ERO1B: variants seen among roughly 807,000 people sequenced by gnomAD.
ERO1B encodes ERO1-like protein beta.
In ERO1B, 49 loss-of-function variants were observed where a neutral mutation model predicts 75.3. That is an observed-to-expected ratio of 0.65 (90% CI 0.52 to 0.83). The LOEUF is 0.83. ERO1B is among the 40% of genes least tolerant of loss of function. ERO1B has a pLI of 0.00. For missense variants in ERO1B, 512 were observed against 560.1 expected (o/e 0.91, Z 0.87); for synonymous variants, 191 against 192.9 (o/e 0.99, Z 0.08).
intron 1 of ERO1B, among the ~76,000 whole-genome samples, chr1:236,278,217 A>G (rs1665751141): frequency 6.6e-6 from 1 of 152,152 alleles, no homozygotes; most frequent in South Asian, 2.1e-4. Flanking sequence ...CCCAGAATAA[A>G]TATTTGGCTT....
intron 2 of ERO1B, among the ~76,000 whole-genome samples, chr1:236,268,402 T>A (rs549406750): frequency 6.6e-6 from 1 of 151,590 alleles, no homozygotes; most frequent in East Asian, 2.0e-4. Context: ...ATGGAGCCAC[T>A]GCACTCCAGT....
chr1:236,253,357 G>C (rs2102957381), intron 3 of ERO1B, 65 bp downstream of exon 3: 2 of 914,450 alleles, frequency 2.2e-6, no homozygotes, highest in Non-Finnish European at 3.5e-6. Context: ...AAATAAAATA[G>C]AGGTTATGCT....
In ERO1B at chr1:236,220,908, G is replaced by A; in HGVS notation, c.1267C>T (p.Leu423Phe). Residue 423 changes from leucine to phenylalanine, a missense_variant, in exon 15 of 16, where the codon CTT becomes TTT. Transcript: ENST00000354619. Reference sequence around the variant, plus strand: ...CCTTTAGATGGACTATTCTCTGGAAGCTTTTGGATTTCTTTTTCAGAGAAT... The same window carrying A: ...CCTTTAGATGGACTATTCTCTGGAAACTTTTGGATTTCTTTTTCAGAGAAT... ...ILFSEKEIQK[L>F]PENSPSKGFQ... 1 of 1,604,152 alleles carries A rather than the reference G, an allele frequency of 6.2e-7. No individual in the cohort carries two copies. Among genetic ancestry groups the A allele is most frequent in the Non-Finnish European group, 8.5e-7 (1 of 1,175,560 alleles).
intron 2 of ERO1B, among the ~76,000 whole-genome samples, chr1:236,266,765 AAG>A (rs1665452115): frequency 6.6e-6 from 1 of 152,194 alleles, no homozygotes; most frequent in Non-Finnish European, 1.5e-5. Flanking sequence ...ACAGAACAAA[AAG>A]AGGCATAGAT....
chr1:236,247,929 TTC>T (rs1664924358), intron 5 of ERO1B, among the ~76,000 whole-genome samples: 1 of 117,770 alleles, frequency 8.5e-6, no homozygotes, highest in Admixed American at 9.0e-5. Flanking sequence ...TTGTATTATC[TTC>T]TCTGACCACC....
At chr1:236,225,481 T>G (rs1664256525) in intron 12 of ERO1B, among the ~76,000 whole-genome samples, 1 of 152,214 alleles carries the variant, frequency 6.6e-6, no homozygotes, top group Non-Finnish European at 1.5e-5. Context: ...TTTAAACACT[T>G]TTTAATCTTT....
intron 2 of ERO1B, among the ~76,000 whole-genome samples, chr1:236,268,376 G>C (rs1665502370): frequency 6.6e-6 from 1 of 151,794 alleles, no homozygotes; most frequent in Non-Finnish European, 1.5e-5. Flanking sequence ...GGAGGCGGAG[G>C]TTGCAGTGAA....
Position 236,226,667 on chromosome 1 carries a change from CAT to C in ERO1B, c.783_784del (p.Cys262ArgfsTer11). ...ATTACCTTCCAAAAGATAATTTGCG[CAT>C]AGATGTAAATTGATGCTAGCATGAA... On this transcript the variant is annotated frameshift_variant, in exon 11 of 16. Coordinates refer to ENST00000354619, the MANE Select transcript of ERO1B (RefSeq NM_019891.4). LOFTEE classifies it high-confidence loss of function. 1 of 1,612,172 alleles carries C rather than the reference CAT, an allele frequency of 6.2e-7. No individual in the cohort carries two copies. The highest frequency in any genetic ancestry group is 8.5e-7 in the Non-Finnish European group (1 of 1,179,562).
Position 236,221,726 on chromosome 1 carries a change from G to A in ERO1B, c.1209+198C>T, listed in dbSNP as rs1237466907. 4 of 514,366 alleles carry A rather than the reference G, an allele frequency of 7.8e-6. No individual in the cohort carries two copies. In the Admixed American group the frequency reaches 1.5e-4, roughly 19 times the overall value. The allele number at this position is 514,366 out of a possible 1,614,324, so 31.9% of individuals were successfully genotyped here. ...ACACAATAAAACTAAAATCACTAAA[G>A]AATAATATGAGAAACATCCTTTCAC... On this transcript the variant is annotated intron_variant, in intron 14 of 15. Transcript: ENST00000354619.
chr1:236,236,363 A>G lies in ERO1B; in HGVS notation c.541T>C (p.Leu181=). ...RSPAAQYVDL[L]LNPERYTGYK... ...CCAGTGTAACGCTCTGGGTTCAGCA[A>G]TAGGTCTACATACTGAGCAGCTGGA... The change falls in exon 7 of 16, where the codon TTG becomes CTG. Residue 181 remains leucine, a synonymous_variant. Transcript: ENST00000354619. 1 of 1,614,062 alleles carries G rather than the reference A, an allele frequency of 6.2e-7. No homozygotes were observed. Among genetic ancestry groups the G allele is most frequent in the Non-Finnish European group, 8.5e-7 (1 of 1,179,966 alleles).
intron 12 of ERO1B, 78 bp downstream of exon 12, chr1:236,226,191 C>A: frequency 6.9e-7 from 1 of 1,448,876 alleles, no homozygotes; most frequent in South Asian, 1.3e-5. Flanking sequence ...TTTTAGGAGT[C>A]AGTTTTTGTG....
chr1:236,269,869 C>G lies in ERO1B; in HGVS notation c.222+6G>C. The G allele has an allele frequency of 6.3e-7, 1 of 1,579,832 alleles. No individual in the cohort carries two copies. The highest frequency in any genetic ancestry group is 8.7e-7 in the Non-Finnish European group (1 of 1,149,902). On this transcript the variant is annotated splice_donor_region_variant and intron_variant, in intron 2 of 15. Coordinates refer to ENST00000354619, the MANE Select transcript of ERO1B (RefSeq NM_019891.4). ...ATATCAACAGAATAAAAAATTACAA[C>G]CTTACCTTGTAATAACGAAAATAGT...
intron 1 of ERO1B, among the ~76,000 whole-genome samples, chr1:236,270,592 T>C (rs1052671846): frequency 2.6e-5 from 4 of 152,188 alleles, no homozygotes; most frequent in Non-Finnish European, 1.5e-5. Flanking sequence ...TCAAAGATTA[T>C]TTGCTAATCC....
intron 12 of ERO1B, among the ~76,000 whole-genome samples, chr1:236,225,667 G>A (rs112893757): frequency 0.067 from 10,246 of 152,258 alleles, 1,170 homozygotes; most frequent in African/African-American, 0.23. Flanking sequence ...AGGCGCGATG[G>A]CCCATGCCTC....
intron 8 of ERO1B, among the ~76,000 whole-genome samples, chr1:236,234,314 A>G (rs1046872264): frequency 3.3e-5 from 5 of 152,184 alleles, no homozygotes; most frequent in East Asian, 1.9e-4. Flanking sequence ...TAACATGGAA[A>G]TGAAGTGTTT....
chr1:236,224,114 AAT>A (rs1664222260), intron 13 of ERO1B, among the ~76,000 whole-genome samples: 1 of 152,160 alleles, frequency 6.6e-6, no homozygotes, highest in Non-Finnish European at 1.5e-5. Context: ...CAAATCCGTT[AAT>A]GTTTCTGTAG....
At chr1:236,256,213 A>G (rs2102958708) in intron 2 of ERO1B, among the ~76,000 whole-genome samples, 1 of 152,238 alleles carries the variant, frequency 6.6e-6, no homozygotes, top group East Asian at 1.9e-4. Flanking sequence ...CTCCTGAGAT[A>G]AGTTTCTGCA....
chr1:236,277,633 A>G (rs1382348475), intron 1 of ERO1B, among the ~76,000 whole-genome samples: 3 of 152,206 alleles, frequency 2.0e-5, no homozygotes, highest in African/African-American at 7.2e-5. Context: ...TACAGAGACT[A>G]GTAAATGGAT....
At chr1:236,232,695 A>G (rs1664437973) in intron 9 of ERO1B, 133 bp downstream of exon 9, 4 of 537,166 alleles carry the variant, frequency 7.4e-6, no homozygotes, top group Admixed American at 4.0e-5. Flanking sequence ...TTTTTTGGTC[A>G]CCATTCATTA....
Sources: allele counts gnomAD v4.1 joint callset (sites outside exome capture counted in the v4.1 genomes callset), GRCh38; gene constraint gnomAD v4.1.1; transcripts MANE v1.5; gene names NCBI Gene and HGNC (gene_info 2026-07-23, HGNC 2026-07-21).